The following SLCO2A1 variants were observed in gnomAD, a reference collection of about 807,000 sequenced individuals.
The protein encoded by SLCO2A1 is matrin F/G 1.
In SLCO2A1, 60 loss-of-function variants were observed where a neutral mutation model predicts 71.7. The observed-to-expected ratio is 0.84, with a 90% CI of 0.68 to 1.04. The LOEUF (loss-of-function observed/expected upper bound fraction) is 1.04, where lower values mean the gene tolerates loss of function less well. Among genes scored for constraint, SLCO2A1 ranks in the 50% least tolerant of loss-of-function variants. SLCO2A1 has a pLI of 0.00. For missense variants in SLCO2A1, 745 were observed against 813.4 expected (o/e 0.92, Z 1.02); for synonymous variants, 308 against 326.7 (o/e 0.94, Z 0.62).
intron 12 of SLCO2A1, 78 bp downstream of exon 12, chr3:133,938,351 C>T (rs1005186166): frequency 5.6e-6 from 7 of 1,258,808 alleles, no homozygotes; most frequent in Admixed American, 5.1e-5. Flanking sequence ...CTTCCTCCAT[C>T]GCTACCCTGC....
At chr3:133,988,622 TG>T (rs1232604117) in intron 1 of SLCO2A1, among the ~76,000 whole-genome samples, 1 of 152,230 alleles carries the variant, frequency 6.6e-6, no homozygotes, top group Non-Finnish European at 1.5e-5. Flanking sequence ...AGCCAGAGTT[TG>T]ACTCTTTTTG....
chr3:133,984,235 A>T (rs1434509570), intron 1 of SLCO2A1, among the ~76,000 whole-genome samples: 1 of 152,130 alleles, frequency 6.6e-6, no homozygotes, highest in Non-Finnish European at 1.5e-5. Flanking sequence ...AAGTACAGAA[A>T]TTCCCCCACT....
Position 134,023,039 on chromosome 3 carries a change from G to A in SLCO2A1, c.96+6668C>T, listed in dbSNP as rs141209079. On this transcript the variant is annotated intron_variant, in intron 1 of 13. Coordinates refer to ENST00000310926, the MANE Select transcript of SLCO2A1 (RefSeq NM_005630.3). ...CCTGAAGATCACGTTCTCATCAAAG[G>A]GTGGAAAGAAGAAAAACTCAAGCCA... 2.8e-3 allele frequency among the ~76,000 whole-genome samples: 420 copies of A among 152,200 alleles called. 8 individuals carry two copies. The East Asian group carries it at 0.034, about 12-fold the overall frequency.
In SLCO2A1 at chr3:133,934,801, G is replaced by T; in HGVS notation, c.1844C>A (p.Ala615Glu). The T allele has an allele frequency of 6.2e-7, 1 of 1,612,026 alleles. No individual in the cohort carries two copies. ...GAAGCAAAGCAGCAGCATGCCCAGCGCCTTGTAGCCCATCTGCAGGCCCAG... is the reference window on the plus strand; with the variant it reads ...GAAGCAAAGCAGCAGCATGCCCAGCTCCTTGTAGCCCATCTGCAGGCCCAG... ...RYLGLQMGYK[A>E]LGMLLLCFIS... The change falls in exon 14 of 14, where the codon GCG (alanine) becomes GAG (glutamate). Residue 615 changes from alanine (A) to glutamate (E), a missense_variant. Transcript: ENST00000310926.
At chr3:134,022,012 T>C (rs1313566548) in intron 1 of SLCO2A1, among the ~76,000 whole-genome samples, 1 of 150,838 alleles carries the variant, frequency 6.6e-6, no homozygotes, top group African/African-American at 2.4e-5. Context: ...AAAAAAACTT[T>C]TAGAGGAAAC....
intron 3 of SLCO2A1, among the ~76,000 whole-genome samples, chr3:133,956,671 G>T (rs1933906521): frequency 6.6e-6 from 1 of 152,206 alleles, no homozygotes; most frequent in Non-Finnish European, 1.5e-5. Flanking sequence ...AAATAGAGTG[G>T]CCCGACCACA....
intron 1 of SLCO2A1, among the ~76,000 whole-genome samples, chr3:134,004,626 G>A (rs957455280): frequency 5.9e-5 from 9 of 152,150 alleles, no homozygotes; most frequent in South Asian, 2.1e-4. Context: ...GAGCCACCAC[G>A]CCCAGCCACA....
intron 1 of SLCO2A1, among the ~76,000 whole-genome samples, chr3:133,996,983 C>T (rs1326395456): frequency 6.6e-6 from 1 of 152,198 alleles, no homozygotes; most frequent in Non-Finnish European, 1.5e-5. Context: ...AAGTGCTAAG[C>T]TCTGAGCACA....
intron 9 of SLCO2A1, among the ~76,000 whole-genome samples, chr3:133,947,052 T>G (rs1933596451): frequency 6.6e-6 from 1 of 151,912 alleles, no homozygotes; most frequent in African/African-American, 2.4e-5. Flanking sequence ...GAGAATCACT[T>G]GAACCTGGGA....
intron 3 of SLCO2A1, among the ~76,000 whole-genome samples, chr3:133,973,260 G>A (rs1345888152): frequency 6.6e-6 from 1 of 152,342 alleles, no homozygotes; most frequent in Non-Finnish European, 1.5e-5. Context: ...ATGAGATCGT[G>A]CAAGTGCACT....
chr3:133,966,319 C>T (rs945960227), intron 3 of SLCO2A1, among the ~76,000 whole-genome samples: 6 of 152,170 alleles, frequency 3.9e-5, no homozygotes, highest in African/African-American at 1.2e-4. Flanking sequence ...TCTGTTGACC[C>T]CTGGTCTAGT....
At chr3:133,994,431 C>A (rs982429174) in intron 1 of SLCO2A1, among the ~76,000 whole-genome samples, 26 of 152,174 alleles carry the variant, frequency 1.7e-4, no homozygotes, top group African/African-American at 5.8e-4. Context: ...GTCCAGTGGG[C>A]CCTCCAACAA....
intron 1 of SLCO2A1, among the ~76,000 whole-genome samples, chr3:133,992,132 A>T (rs1380285326): frequency 6.6e-6 from 1 of 152,214 alleles, no homozygotes; most frequent in African/African-American, 2.4e-5. Flanking sequence ...TTCAGCAAAA[A>T]TCACTTGAAG....
At chr3:133,967,416 C>T (rs983091316) in intron 3 of SLCO2A1, among the ~76,000 whole-genome samples, 5 of 152,206 alleles carry the variant, frequency 3.3e-5, no homozygotes, top group Admixed American at 6.5e-5. Flanking sequence ...CAGAGCTCTC[C>T]CACCAGTTTC....
At chr3:134,007,786 T>C in intron 1 of SLCO2A1, among the ~76,000 whole-genome samples, 1 of 152,342 alleles carries the variant, frequency 6.6e-6, no homozygotes, top group Non-Finnish European at 1.5e-5. Flanking sequence ...AGCATCTCTT[T>C]ACTGGTCTAA....
intron 11 of SLCO2A1, 107 bp downstream of exon 11, chr3:133,942,498 G>T: frequency 8.4e-7 from 1 of 1,185,798 alleles, no homozygotes. Flanking sequence ...GACTCTGAGG[G>T]CCACAAAAGG....
chr3:133,948,410 G>T (rs1933642242), intron 8 of SLCO2A1, 126 bp downstream of exon 8: 2 of 920,188 alleles, frequency 2.2e-6, no homozygotes, highest in Admixed American at 2.5e-5. Flanking sequence ...CTTTCTCCTG[G>T]GCAGTCCTCC....
intron 1 of SLCO2A1, among the ~76,000 whole-genome samples, chr3:133,996,525 T>G (rs1247641113): frequency 7.2e-5 from 11 of 152,294 alleles, no homozygotes; most frequent in Admixed American, 6.5e-4. Context: ...ACAGGCTAGC[T>G]TAGCCTCCCG....
intron 3 of SLCO2A1, among the ~76,000 whole-genome samples, chr3:133,964,145 A>G (rs1001004237): frequency 4.6e-5 from 7 of 152,224 alleles, no homozygotes; most frequent in African/African-American, 1.7e-4. Flanking sequence ...GCCCCAGAGG[A>G]AAAAATGAGT....
Sources: allele counts gnomAD v4.1 joint callset (sites outside exome capture counted in the v4.1 genomes callset), GRCh38; gene constraint gnomAD v4.1.1; transcripts MANE v1.5; gene names NCBI Gene and HGNC (gene_info 2026-07-23, HGNC 2026-07-21).